The following WDR7 variants were observed in gnomAD, a reference collection of about 807,000 sequenced individuals.
The protein encoded by WDR7 is WD repeat domain 7.
In WDR7, 46 loss-of-function variants were observed where a neutral mutation model predicts 169.4. That is an observed-to-expected ratio of 0.27 (90% CI 0.21 to 0.35). The LOEUF is 0.35. Among genes scored for constraint, WDR7 ranks in the 10% least tolerant of loss-of-function variants. The pLI, the probability that WDR7 is intolerant of heterozygous loss-of-function variation, is 1.00. For missense variants in WDR7, 1,534 were observed against 1,859.3 expected (o/e 0.83, Z 3.22); for synonymous variants, 612 against 666.8 (o/e 0.92, Z 1.27).
intron 19 of WDR7, among the ~76,000 whole-genome samples, chr18:56,783,681 G>A (rs534584261): frequency 3.3e-5 from 5 of 152,174 alleles, no homozygotes; most frequent in Non-Finnish European, 7.4e-5. Context: ...AGACCTAAAT[G>A]TAGATAGGGT....
At chr18:56,701,881 A>G (rs1231517966) in intron 12 of WDR7, among the ~76,000 whole-genome samples, 4 of 152,190 alleles carry the variant, frequency 2.6e-5, no homozygotes, top group African/African-American at 4.8e-5. Flanking sequence ...AATCCTTCAG[A>G]TATTTTCAAT....
At chr18:56,976,272 T>C (rs1414257260) in intron 26 of WDR7, among the ~76,000 whole-genome samples, 1 of 152,166 alleles carries the variant, frequency 6.6e-6, no homozygotes, top group Non-Finnish European at 1.5e-5. Context: ...ATTGATACTA[T>C]AATGCAGAAG....
intron 22 of WDR7, among the ~76,000 whole-genome samples, chr18:56,932,464 A>G (rs1209695037): frequency 6.6e-6 from 1 of 152,140 alleles, no homozygotes; most frequent in East Asian, 1.9e-4. Flanking sequence ...ATTCCCCCAA[A>G]TTCACAAGGC....
chr18:56,964,680 A>C (rs1233458665), intron 26 of WDR7, among the ~76,000 whole-genome samples: 2 of 152,054 alleles, frequency 1.3e-5, no homozygotes, highest in African/African-American at 4.8e-5. Flanking sequence ...GAGCCACTGC[A>C]TCCAGCCTAT....
Position 57,017,443 on chromosome 18 carries a change from T to TGTGC in WDR7, c.4165-3301_4165-3300insTGCG, listed in dbSNP as rs1491175226. ...GTGTGTGTGTGTGTGTGTGTGTGTG[T>TGTGC]GCATGTGTGTGTGCTGTTCTTATCC... On this transcript the variant is annotated intron_variant, in intron 26 of 27. Transcript: ENST00000254442. Among the ~76,000 whole-genome samples, 925 of 139,702 alleles carry TGTGC rather than the reference T, an allele frequency of 6.6e-3. 17 individuals carry two copies. Among genetic ancestry groups the TGTGC allele is most frequent in the African/African-American group, 0.023 (889 of 38,138 alleles). 91.6% of individuals were successfully genotyped at this position (139,702 alleles called of 152,430 possible).
chr18:56,696,806 C>G (rs1187953560), intron 12 of WDR7, among the ~76,000 whole-genome samples: 1 of 152,128 alleles, frequency 6.6e-6, no homozygotes, highest in African/African-American at 2.4e-5. Flanking sequence ...ATTGTACAAT[C>G]TCATTATTTT....
At chr18:56,819,690 G>T (rs2045052135) in intron 20 of WDR7, among the ~76,000 whole-genome samples, 4 of 151,972 alleles carry the variant, frequency 2.6e-5, no homozygotes, top group Admixed American at 1.3e-4. Flanking sequence ...ATTACAATAT[G>T]CATGGGAAAT....
intron 1 of WDR7, among the ~76,000 whole-genome samples, chr18:56,652,429 C>G (rs569911049): frequency 2.0e-5 from 3 of 152,294 alleles, no homozygotes; most frequent in Admixed American, 2.0e-4. Context: ...CAGGAATTGC[C>G]TGTTGTATGA....
chr18:56,655,013 A>G (rs1225377926), intron 1 of WDR7, among the ~76,000 whole-genome samples: 1 of 152,130 alleles, frequency 6.6e-6, no homozygotes, highest in Non-Finnish European at 1.5e-5. Context: ...CTCTAACACT[A>G]TACTGTTTTA....
intron 17 of WDR7, among the ~76,000 whole-genome samples, chr18:56,779,103 T>C (rs1404440608): frequency 6.6e-6 from 1 of 152,200 alleles, no homozygotes; most frequent in Non-Finnish European, 1.5e-5. Flanking sequence ...TATTTCTGTG[T>C]TTTGCCATTC....
In WDR7 at chr18:56,746,019, T is replaced by C. The variant is rs182225421; in HGVS notation, c.1990-10564T>C. On this transcript the variant is annotated intron_variant, in intron 14 of 27. Coordinates refer to ENST00000254442, the MANE Select transcript of WDR7 (RefSeq NM_015285.3). ...ATGATTTCAAGGTTTAAACATTTTT[T>C]TCCAGTGTGAATCTTGTAAGATGAT... 9.2e-5 allele frequency among the ~76,000 whole-genome samples: 14 copies of C among 152,312 alleles called. No homozygotes were observed. In the East Asian group the frequency reaches 2.7e-3, roughly 29 times the overall value.
intron 1 of WDR7, among the ~76,000 whole-genome samples, chr18:56,664,337 G>C (rs1424873236): frequency 6.6e-6 from 1 of 152,140 alleles, no homozygotes; most frequent in Non-Finnish European, 1.5e-5. Flanking sequence ...ATTTCAAAAT[G>C]CTAATTGTAA....
At chr18:56,943,649 A>T (rs895138408) in intron 25 of WDR7, among the ~76,000 whole-genome samples, 2 of 152,194 alleles carry the variant, frequency 1.3e-5, no homozygotes, top group Admixed American at 1.3e-4. Context: ...ATATAAGTAA[A>T]AAACTACCAG....
chr18:56,750,480 C>T (rs1568173561), intron 14 of WDR7, among the ~76,000 whole-genome samples: 2 of 152,108 alleles, frequency 1.3e-5, no homozygotes, highest in African/African-American at 4.8e-5. Flanking sequence ...TTTATTTTGT[C>T]CCAAGCATCT....
intron 20 of WDR7, among the ~76,000 whole-genome samples, chr18:56,828,947 C>T (rs761204025): frequency 4.0e-5 from 6 of 151,670 alleles, no homozygotes; most frequent in Non-Finnish European, 8.8e-5. Context: ...TTATATAAAC[C>T]TTATAAAACC....
chr18:56,744,145 A>G (rs1363657189), intron 14 of WDR7, among the ~76,000 whole-genome samples: 2 of 149,038 alleles, frequency 1.3e-5, no homozygotes, highest in Non-Finnish European at 3.0e-5. Context: ...AGGCTGAGGC[A>G]GGAGAATGGC....
intron 19 of WDR7, among the ~76,000 whole-genome samples, chr18:56,784,537 A>G (rs2044365685): frequency 6.6e-6 from 1 of 152,204 alleles, no homozygotes; most frequent in Non-Finnish European, 1.5e-5. Context: ...ATTAATCACT[A>G]TTTATTCCAT....
chr18:56,820,359 A>AAAAAAAAAAAAAAAAAAAAAAACAAAAAC (rs1044771844), intron 20 of WDR7, among the ~76,000 whole-genome samples: 1 of 127,508 alleles, frequency 7.8e-6, no homozygotes, highest in African/African-American at 3.5e-5. Context: ...AAAAAAAAAA[A>AAAAAAAAAAAAAAAAAAAAAAACAAAAAC]AAAAACCACC....
intron 25 of WDR7, among the ~76,000 whole-genome samples, chr18:56,955,841 A>T (rs1367267244): frequency 6.6e-6 from 1 of 152,208 alleles, no homozygotes; most frequent in Non-Finnish European, 1.5e-5. Flanking sequence ...ACACTGAGAC[A>T]TAGACAAGTT....
Sources: allele counts gnomAD v4.1 joint callset (sites outside exome capture counted in the v4.1 genomes callset), GRCh38; gene constraint gnomAD v4.1.1; transcripts MANE v1.5; gene names NCBI Gene and HGNC (gene_info 2026-07-23, HGNC 2026-07-21).